The following LRMDA variants were observed in gnomAD, a reference collection of about 807,000 sequenced individuals.
LRMDA encodes leucine-rich melanocyte differentiation-associated protein.
A neutral mutation model predicts 29.8 loss-of-function variants in LRMDA; 18 were observed. The ratio of observed to expected loss-of-function variants is 0.60; its 90% CI spans 0.42 to 0.90. The LOEUF is 0.90. LRMDA is among the 40% of genes least tolerant of loss of function. LRMDA has a pLI of 0.00. For missense variants in LRMDA, 273 were observed against 273.9 expected (o/e 1.00, Z 0.02); for synonymous variants, 125 against 109.4 (o/e 1.14, Z -0.89).
At chr10:75,791,191 C>T (rs551450594) in intron 2 of LRMDA, among the ~76,000 whole-genome samples, 54 of 152,098 alleles carry the variant, frequency 3.6e-4, no homozygotes, top group Non-Finnish European at 6.3e-4. Context: ...GTCCTGTAGC[C>T]GCATATGAAT....
At chr10:76,544,104 G>A (rs1843390789) in intron 6 of LRMDA, among the ~76,000 whole-genome samples, 1 of 152,172 alleles carries the variant, frequency 6.6e-6, no homozygotes, top group African/African-American at 2.4e-5. Flanking sequence ...TTACCGTAAT[G>A]GCTTATAATG....
intron 6 of LRMDA, among the ~76,000 whole-genome samples, chr10:76,387,146 A>G (rs895663272): frequency 6.6e-6 from 1 of 152,230 alleles, no homozygotes; most frequent in Admixed American, 6.5e-5. Flanking sequence ...ATATTACTAC[A>G]AAAATATGGT....
intron 5 of LRMDA, among the ~76,000 whole-genome samples, chr10:76,065,003 A>C (rs577850242): frequency 6.6e-6 from 1 of 152,084 alleles, no homozygotes; most frequent in African/African-American, 2.4e-5. Flanking sequence ...TTTCTAGTAA[A>C]TTTTGGAGAG....
intron 6 of LRMDA, among the ~76,000 whole-genome samples, chr10:76,440,036 G>T (rs1842284754): frequency 6.6e-6 from 1 of 152,194 alleles, no homozygotes; most frequent in African/African-American, 2.4e-5. Flanking sequence ...ACTCTTGGTT[G>T]CATCTCATGA....
intron 6 of LRMDA, among the ~76,000 whole-genome samples, chr10:76,374,541 C>T (rs140495313): frequency 1.8e-4 from 27 of 152,290 alleles, no homozygotes; most frequent in Admixed American, 6.5e-4. Context: ...ACTTCTGAGT[C>T]AATCAAAAGT....
intron 2 of LRMDA, among the ~76,000 whole-genome samples, chr10:75,447,100 C>A (rs1844404704): frequency 6.6e-6 from 1 of 152,190 alleles, no homozygotes. Context: ...AGTGAATTTT[C>A]AATGTAGTTC....
chr10:75,769,938 G>A (rs1218384832), intron 2 of LRMDA, among the ~76,000 whole-genome samples: 1 of 152,054 alleles, frequency 6.6e-6, no homozygotes, highest in African/African-American at 2.4e-5. Context: ...AGCCAAGAGT[G>A]CACCACTGCA....
chr10:76,454,320 A>C (rs1005859094), intron 6 of LRMDA, among the ~76,000 whole-genome samples: 6 of 152,112 alleles, frequency 3.9e-5, no homozygotes, highest in African/African-American at 1.4e-4. Context: ...AAAAAGAGTC[A>C]CTAATCATAT....
At chr10:76,352,802 T>G (rs1841193404) in intron 6 of LRMDA, among the ~76,000 whole-genome samples, 1 of 152,082 alleles carries the variant, frequency 6.6e-6, no homozygotes, top group African/African-American at 2.4e-5. Context: ...AAGAAGTGGT[T>G]GTGGATGGAA....
chr10:76,171,943 A>T (rs1372771437), intron 5 of LRMDA, among the ~76,000 whole-genome samples: 1 of 152,200 alleles, frequency 6.6e-6, no homozygotes, highest in Non-Finnish European at 1.5e-5. Context: ...GAAGTCCAAG[A>T]CTGGGCAGCT....
intron 2 of LRMDA, among the ~76,000 whole-genome samples, chr10:75,478,850 C>A (rs1266757752): frequency 6.6e-6 from 1 of 152,204 alleles, no homozygotes; most frequent in Non-Finnish European, 1.5e-5. Context: ...TCTCTTGTCT[C>A]AATGCCTGAC....
chr10:76,024,652 G>T (rs1435001563), intron 2 of LRMDA, among the ~76,000 whole-genome samples: 1 of 152,208 alleles, frequency 6.6e-6, no homozygotes, highest in Non-Finnish European at 1.5e-5. Context: ...TTCCAGGGGG[G>T]CCCTGCCCGT....
chr10:76,277,673 T>C (rs543331246), intron 5 of LRMDA, among the ~76,000 whole-genome samples: 17 of 152,306 alleles, frequency 1.1e-4, no homozygotes, highest in South Asian at 6.2e-4. Flanking sequence ...CTCTGAAATA[T>C]ACAGTGTGAA....
chr10:75,884,270 T>TGTGG (rs1589240374), intron 2 of LRMDA, among the ~76,000 whole-genome samples: 2 of 149,882 alleles, frequency 1.3e-5, no homozygotes, highest in South Asian at 2.1e-4. Context: ...TGTGTGTGTG[T>TGTGG]GTGTGTGTGT....
chr10:75,589,991 C>A (rs1809431915), intron 2 of LRMDA, among the ~76,000 whole-genome samples: 1 of 149,556 alleles, frequency 6.7e-6, no homozygotes. Context: ...ATTTGTCATG[C>A]AAAAATTTTG....
At chr10:75,857,768 G>A (rs1436264014) in intron 2 of LRMDA, among the ~76,000 whole-genome samples, 1 of 152,174 alleles carries the variant, frequency 6.6e-6, no homozygotes, top group African/African-American at 2.4e-5. Flanking sequence ...AGCACCAAAT[G>A]AGCTGAACAC....
At position 75,968,517 on chromosome 10, in the gene LRMDA, G is replaced by C. The variant is rs1204638067; in HGVS notation, c.132-67491G>C. On this transcript the variant is annotated intron_variant, in intron 2 of 6. Coordinates refer to ENST00000611255, the MANE Select transcript of LRMDA (RefSeq NM_001305581.2). ...TGCACATTCTAGAATGTTCCCTGTG[G>C]CCTTGCATGCTCAAGTGCCTCTGTA... Among the ~76,000 whole-genome samples the C allele has an allele frequency of 3.9e-5, 6 of 152,282 alleles. No homozygotes were observed. The South Asian group carries it at 1.2e-3, about 32-fold the overall frequency.
intron 2 of LRMDA, among the ~76,000 whole-genome samples, chr10:75,617,587 T>TG (rs371295082): frequency 2.0e-5 from 3 of 152,226 alleles, no homozygotes; most frequent in African/African-American, 7.2e-5. Flanking sequence ...TGGCACTCAC[T>TG]GCTCCCCTCT....
intron 5 of LRMDA, among the ~76,000 whole-genome samples, chr10:76,188,519 G>T (rs950708470): frequency 6.6e-6 from 1 of 152,284 alleles, no homozygotes; most frequent in South Asian, 2.1e-4. Flanking sequence ...GGGTCGGCTA[G>T]TTCCCTCTTG....
Sources: allele counts gnomAD v4.1 joint callset (sites outside exome capture counted in the v4.1 genomes callset), GRCh38; gene constraint gnomAD v4.1.1; transcripts MANE v1.5; gene names NCBI Gene and HGNC (gene_info 2026-07-23, HGNC 2026-07-21).